The following SHANK2 variants were observed in gnomAD, a reference collection of about 807,000 sequenced individuals.
SHANK2 encodes the protein SH3 and multiple ankyrin repeat domains 2.
A neutral mutation model predicts 133.7 loss-of-function variants in SHANK2; 43 were observed. The ratio of observed to expected loss-of-function variants is 0.32; its 90% CI spans 0.25 to 0.41. SHANK2 has a LOEUF of 0.41. Among genes scored for constraint, SHANK2 ranks in the 10% least tolerant of loss-of-function variants. The pLI is 1.00. For synonymous variants in SHANK2, 1,017 were observed against 952.8 expected (o/e 1.07, Z -1.24); for missense variants, 1,994 against 2,235.8 (o/e 0.89, Z 2.18).
chr11:71,133,865 G>A (rs1555104227), intron 3 of SHANK2, among the ~76,000 whole-genome samples: 1 of 151,872 alleles, frequency 6.6e-6, no homozygotes, highest in East Asian at 1.9e-4. Context: ...AAGCAACTGG[G>A]AGAGAACATT....
At chr11:71,135,458 G>C (rs1952418526) in intron 3 of SHANK2, among the ~76,000 whole-genome samples, 1 of 151,052 alleles carries the variant, frequency 6.6e-6, no homozygotes, top group Non-Finnish European at 1.5e-5. Flanking sequence ...TCCAATAGGT[G>C]TGTGCCCAGA....
At chr11:71,187,342 T>C (rs1555114619) in intron 2 of SHANK2, among the ~76,000 whole-genome samples, 1 of 152,082 alleles carries the variant, frequency 6.6e-6, no homozygotes, top group Non-Finnish European at 1.5e-5. Context: ...GTTTCTCATG[T>C]TTTGTTTGGG....
chr11:71,137,439 C>A (rs1952465719), intron 3 of SHANK2, among the ~76,000 whole-genome samples: 1 of 151,870 alleles, frequency 6.6e-6, no homozygotes, highest in Non-Finnish European at 1.5e-5. Flanking sequence ...GGGCTTTCAA[C>A]AGAGAAGGTA....
intron 14 of SHANK2, among the ~76,000 whole-genome samples, chr11:70,707,372 CAAAAAAAAAA>C (rs1172194976): frequency 3.5e-5 from 2 of 57,884 alleles, no homozygotes; most frequent in Middle Eastern, 0.014. Context: ...AACTCCATCT[CAAAAAAAAAA>C]AAAAAAAAAA....
At chr11:71,242,428 G>GA in intron 1 of SHANK2, among the ~76,000 whole-genome samples, 1 of 152,166 alleles carries the variant, frequency 6.6e-6, no homozygotes, top group African/African-American at 2.4e-5. Context: ...TGTGCATTGG[G>GA]AAAAAAAGTG....
intron 11 of SHANK2, among the ~76,000 whole-genome samples, chr11:70,851,838 C>G (rs184630094): frequency 4.7e-4 from 71 of 152,314 alleles, no homozygotes; most frequent in African/African-American, 1.3e-3. Flanking sequence ...GAGGTTCAAA[C>G]TCTTGCTAAT....
chr11:71,094,077 G>A (rs1951563961), intron 7 of SHANK2, among the ~76,000 whole-genome samples: 1 of 152,086 alleles, frequency 6.6e-6, no homozygotes, highest in South Asian at 2.1e-4. Flanking sequence ...ATGTGGCTCT[G>A]TGTCCCCTCC....
At chr11:71,135,462 G>A (rs1952418608) in intron 3 of SHANK2, among the ~76,000 whole-genome samples, 1 of 151,036 alleles carries the variant, frequency 6.6e-6, no homozygotes, top group Non-Finnish European at 1.5e-5. Flanking sequence ...ATAGGTGTGT[G>A]CCCAGACTAG....
chr11:70,944,527 G>A (rs2135860144), intron 10 of SHANK2, among the ~76,000 whole-genome samples: 1 of 152,348 alleles, frequency 6.6e-6, no homozygotes, highest in South Asian at 2.1e-4. Context: ...TGGTTTGAAA[G>A]GATTTTCCCA....
chr11:71,118,808 G>A, intron 4 of SHANK2, 21 bp downstream of exon 4: 1 of 1,528,460 alleles, frequency 6.5e-7, no homozygotes, highest in Non-Finnish European at 8.8e-7. Context: ...CACAGTCCAT[G>A]CACTGTGGGC....
At chr11:70,741,235 CCAT>C (rs1946518286) in intron 14 of SHANK2, among the ~76,000 whole-genome samples, 2 of 45,520 alleles carry the variant, frequency 4.4e-5, no homozygotes, top group South Asian at 1.1e-3. Flanking sequence ...AACCATGCAT[CCAT>C]CCATCCATCC....
intron 2 of SHANK2, among the ~76,000 whole-genome samples, chr11:71,160,310 C>T (rs35929616): frequency 6.6e-6 from 1 of 152,290 alleles, no homozygotes; most frequent in East Asian, 1.9e-4. Context: ...TGAACTGTCT[C>T]CCTCTAAAAT....
In SHANK2 at chr11:70,530,428, C is replaced by T. The variant is rs187832224; in HGVS notation, c.2062-27497G>A. 6.6e-5 allele frequency among the ~76,000 whole-genome samples: 10 copies of T among 152,204 alleles called. No homozygotes were observed. The East Asian group carries it at 9.7e-4, about 15-fold the overall frequency. On this transcript the variant is annotated intron_variant, in intron 17 of 25. Transcript: ENST00000601538. ...ACACGTGCCTGTAATCCCAGTTAAT[C>T]GGGAGGCTGAAGTGGGAGGATTGCT...
chr11:71,183,989 T>C (rs1555114144), intron 2 of SHANK2, among the ~76,000 whole-genome samples: 1 of 152,170 alleles, frequency 6.6e-6, no homozygotes. Context: ...ACTTCCCCAT[T>C]TCACACGGGC....
intron 17 of SHANK2, among the ~76,000 whole-genome samples, chr11:70,588,720 A>G (rs2060284244): frequency 6.6e-6 from 1 of 152,242 alleles, no homozygotes; most frequent in East Asian, 1.9e-4. Flanking sequence ...GCAAAGTAGC[A>G]AGTCTTGATG....
chr11:71,067,562 T>C (rs1015432942), intron 9 of SHANK2, among the ~76,000 whole-genome samples: 1 of 152,284 alleles, frequency 6.6e-6, no homozygotes, highest in Non-Finnish European at 1.5e-5. Context: ...GTGTATTTTA[T>C]TACAAGTGTG....
intron 15 of SHANK2, among the ~76,000 whole-genome samples, chr11:70,678,696 C>T (rs1293086850): frequency 3.9e-5 from 6 of 151,988 alleles, no homozygotes; most frequent in African/African-American, 1.5e-4. Context: ...GTGTGCACCA[C>T]CACACCCAGC....
chr11:70,883,678 A>G (rs941048304), intron 11 of SHANK2, among the ~76,000 whole-genome samples: 4 of 152,180 alleles, frequency 2.6e-5, no homozygotes, highest in Admixed American at 2.6e-4. Context: ...GAAAGCCCCC[A>G]GGGTGCACCT....
intron 17 of SHANK2, among the ~76,000 whole-genome samples, chr11:70,626,546 C>T (rs1555000028): frequency 6.6e-6 from 1 of 152,218 alleles, no homozygotes; most frequent in Admixed American, 6.5e-5. Context: ...AGATGGACAG[C>T]TCTAGTCCTC....
Sources: allele counts gnomAD v4.1 joint callset (sites outside exome capture counted in the v4.1 genomes callset), GRCh38; gene constraint gnomAD v4.1.1; transcripts MANE v1.5; gene names NCBI Gene and HGNC (gene_info 2026-07-23, HGNC 2026-07-21).